The following PRR27 variants were observed in gnomAD, a reference collection of about 807,000 sequenced individuals.
PRR27 encodes the protein proline rich 27.
A neutral mutation model predicts 16.8 loss-of-function variants in PRR27; 12 were observed. The observed-to-expected ratio is 0.71, with a 90% CI of 0.46 to 1.16. The LOEUF is 1.16. Ranked by LOEUF, PRR27 falls within the 50% of genes most tolerant of loss-of-function variation. The pLI is 0.00. For missense variants in PRR27, 277 were observed against 273.3 expected (o/e 1.01, Z -0.10); for synonymous variants, 100 against 98.4 (o/e 1.02, Z -0.10).
At chr4:70,162,267 C>T (rs573394069) in intron 4 of PRR27, among the ~76,000 whole-genome samples, 1 of 152,078 alleles carries the variant, frequency 6.6e-6, no homozygotes, top group African/African-American at 2.4e-5. Flanking sequence ...TGACTGTCAG[C>T]CAAATCAAAG....
chr4:70,160,606 T>A (rs1310543531), intron 3 of PRR27, among the ~76,000 whole-genome samples: 2 of 152,048 alleles, frequency 1.3e-5, no homozygotes, highest in Non-Finnish European at 2.9e-5. Context: ...CTTGAAAAAT[T>A]GTTCCTTCTC....
intron 4 of PRR27, among the ~76,000 whole-genome samples, chr4:70,161,999 C>A (rs973890161): frequency 6.6e-6 from 1 of 152,114 alleles, no homozygotes; most frequent in African/African-American, 2.4e-5. Context: ...TGTATGCTAT[C>A]CCTTCAGCCA....
In PRR27 at chr4:70,160,029, A is replaced by T. The variant is rs189526323; in HGVS notation, c.648+1129A>T. Among the ~76,000 whole-genome samples the T allele has an allele frequency of 1.8e-3, 273 of 148,516 alleles. 1 individual carries two copies. The highest frequency in any genetic ancestry group is 6.1e-3 in the African/African-American group (240 of 39,084). ...TGAAATGTGAGCATATCCTCTTTTT[A>T]AAAAAAAAATTCATCTTTTATTTTA... On this transcript the variant is annotated intron_variant, in intron 3 of 4. Coordinates refer to ENST00000344526, the MANE Select transcript of PRR27 (RefSeq NM_214711.4).
At position 70,158,446 on chromosome 4, in the gene PRR27, A is replaced by G; in HGVS notation, c.194A>G (p.Asn65Ser). ...AATACAGTCCCCAGTTACCCTGGGA[A>G]TACTTACACTGACACAGGGTTACCT... ...PVNTVPSYPGNTYTDTGLPSY... is the reference protein window; with the variant it reads ...PVNTVPSYPGSTYTDTGLPSY... The change falls in exon 3 of 5, where the codon AAT becomes AGT. Residue 65 changes from asparagine (N) to serine (S), a missense_variant. Physicochemically the swap from Asn to Ser is conservative, Grantham distance 46 (BLOSUM62 1). Transcript: ENST00000344526. 1.9e-6 allele frequency: 3 copies of G among 1,613,864 alleles called. No homozygotes were observed. The highest frequency in any genetic ancestry group is 2.5e-6 in the Non-Finnish European group (3 of 1,179,828).
chr4:70,160,443 C>CTGTCTCTCTCTGTGTGTGTGTG (rs1728620026), intron 3 of PRR27, among the ~76,000 whole-genome samples: 1 of 68,678 alleles, frequency 1.5e-5, no homozygotes, highest in Non-Finnish European at 2.8e-5. Context: ...CTCTCTCTCT[C>CTGTCTCTCTCTGTGTGTGTGTG]TGTGTGTGTG....
chr4:70,162,321 C>T (rs751692352), intron 4 of PRR27, among the ~76,000 whole-genome samples: 1 of 152,130 alleles, frequency 6.6e-6, no homozygotes, highest in African/African-American at 2.4e-5. Flanking sequence ...AATTGAAAAG[C>T]AAATGTGATG....
At chr4:70,161,156 G>GTATATATATATATATATATATATA (rs371303125) in intron 3 of PRR27, among the ~76,000 whole-genome samples, 80 of 93,872 alleles carry the variant, frequency 8.5e-4, no homozygotes, top group African/African-American at 3.2e-3. Flanking sequence ...TATGAACACT[G>GTATATATATATATATATATATATA]TATATATATA....
intron 3 of PRR27, 95 bp downstream of exon 3, chr4:70,158,995 C>T: frequency 8.8e-7 from 1 of 1,136,786 alleles, no homozygotes; most frequent in South Asian, 1.6e-5. Context: ...TCTATATCAA[C>T]TTAAATATTT....
chr4:70,158,777 A>G lies in PRR27; in HGVS notation c.525A>G (p.Ala175=). 5.0e-6 allele frequency: 8 copies of G among 1,612,550 alleles called. No individual in the cohort carries two copies. The highest frequency in any genetic ancestry group is 6.8e-6 in the Non-Finnish European group (8 of 1,178,910). The change falls in exon 3 of 5, where the codon GCA becomes GCG. Residue 175 remains alanine, a synonymous_variant. Coordinates refer to ENST00000344526, the MANE Select transcript of PRR27 (RefSeq NM_214711.4). ...AGCCTGCTGCAGAGGCACCTGTTGC[A>G]GCTGAGCCTGCTGCAGAGGCACCTG... is the stretch of plus-strand genomic sequence containing the variant. ...GAEPAAEAPV[A]AEPAAEAPVG... is the part of the protein sequence containing the mutation.
At chr4:70,155,595 C>A (rs1003159946) in intron 1 of PRR27, among the ~76,000 whole-genome samples, 3 of 152,070 alleles carry the variant, frequency 2.0e-5, no homozygotes, top group Admixed American at 2.0e-4. Context: ...GTTTCGATCT[C>A]CTGACCTCGT....
Position 70,161,630 on chromosome 4 carries a change from T to G in PRR27, c.*33T>G. ...TAGAAGAGTACCATGGGTTCATTTC[T>G]GTAAGTCATATGTGATAATATAATT... On this transcript the variant is annotated splice_region_variant and 3_prime_UTR_variant, in exon 4 of 5. Transcript: ENST00000344526. 1 of 1,418,584 alleles carries G rather than the reference T, an allele frequency of 7.0e-7. No individual in the cohort carries two copies. The highest frequency in any genetic ancestry group is 9.8e-7 in the Non-Finnish European group (1 of 1,022,092). The allele number at this position is 1,418,584 out of a possible 1,614,324, so 87.9% of individuals were successfully genotyped here.
At chr4:70,156,618 A>G (rs988612434) in intron 2 of PRR27, among the ~76,000 whole-genome samples, 7 of 152,174 alleles carry the variant, frequency 4.6e-5, no homozygotes, top group African/African-American at 1.7e-4. Flanking sequence ...TGATTAACTG[A>G]TGTTAGATGT....
Position 70,158,586 on chromosome 4 carries a change from G to A in PRR27, c.334G>A (p.Val112Ile). The A allele has an allele frequency of 6.2e-7, 1 of 1,614,072 alleles. No homozygotes were observed. The highest frequency in any genetic ancestry group is 1.1e-5 in the South Asian group (1 of 91,084). Residue 112 changes from valine to isoleucine, a missense_variant, in exon 3 of 5, where the codon GTC (valine) becomes ATC (isoleucine). By Grantham distance (29) the Val-to-Ile change is conservative. Coordinates refer to ENST00000344526, the MANE Select transcript of PRR27 (RefSeq NM_214711.4). ...TCTCCCTCCTAGGGGTTTCCCGTTT[G>A]TCCCTCCTTCAAGGTTTTTTTCAGC... The part of the protein sequence containing the change: ...PPLPPRGFPF[V>I]PPSRFFSAAA...
Position 70,166,377 on chromosome 4 carries a change from T to C in PRR27, c.*3716T>C, listed in dbSNP as rs1274674940. 13 of 152,082 alleles carry C rather than the reference T, an allele frequency of 8.5e-5. No homozygotes were observed. The highest frequency in any genetic ancestry group is 6.6e-4 in the Admixed American group (10 of 15,260). 9.4% of individuals were successfully genotyped at this position (152,082 alleles called of 1,614,324 possible). The stretch of plus-strand genomic sequence containing the variant: ...ATGTGTGTATGTATATATGTGTGCA[T>C]GTGCATGCATAGTAAAAATCTTAAC... On this transcript the variant is annotated 3_prime_UTR_variant, in exon 5 of 5. Coordinates refer to ENST00000344526, the MANE Select transcript of PRR27 (RefSeq NM_214711.4).
rs907817515 is a variant in PRR27, at chr4:70,163,435, T to C, written c.*774T>C. On this transcript the variant is annotated 3_prime_UTR_variant, in exon 5 of 5. Coordinates refer to ENST00000344526, the MANE Select transcript of PRR27 (RefSeq NM_214711.4). ...TTCAAGTGATTCTCCTGCCTCAGCCTCCTGAGTAGCCGGGATTACAGGTGT... is the reference window on the plus strand; with the variant it reads ...TTCAAGTGATTCTCCTGCCTCAGCCCCCTGAGTAGCCGGGATTACAGGTGT... 2.7e-5 allele frequency: 4 copies of C among 150,848 alleles called. No individual in the cohort carries two copies. The highest frequency in any genetic ancestry group is 9.8e-5 in the African/African-American group (4 of 40,918). The allele number at this position is 150,848 out of a possible 1,614,324, so 9.3% of individuals were successfully genotyped here. A position where few individuals can be genotyped will look rare whatever the true frequency, so the allele number is the denominator to read the frequency against.
chr4:70,158,821 C>T lies in PRR27; in HGVS notation c.569C>T (p.Ala190Val), dbSNP rs1578220456. 6.2e-6 allele frequency: 10 copies of T among 1,614,010 alleles called. No homozygotes were observed. The highest frequency in any genetic ancestry group is 7.6e-6 in the Non-Finnish European group (9 of 1,179,980). The change falls in exon 3 of 5, where the codon GCA becomes GTA. Residue 190 changes from alanine (A) to valine (V), a missense_variant. Coordinates refer to ENST00000344526, the MANE Select transcript of PRR27 (RefSeq NM_214711.4). Reference sequence around the variant, plus strand: ...GCACCTGTTGGAGTGGAGCCAGCTGCAGAGGAACCTTCACCAGCTGAGCCT... The same window carrying T: ...GCACCTGTTGGAGTGGAGCCAGCTGTAGAGGAACCTTCACCAGCTGAGCCT... ...AEAPVGVEPA[A>V]EEPSPAEPAT...
Position 70,160,476 on chromosome 4 carries a change from T to C in PRR27, c.649-1110T>C, listed in dbSNP as rs142607944. Among the ~76,000 whole-genome samples the C allele has an allele frequency of 6.7e-3, 1,015 of 150,664 alleles. 12 individuals are homozygous for C. The highest frequency in any genetic ancestry group is 0.023 in the African/African-American group (960 of 40,866). On this transcript the variant is annotated intron_variant, in intron 3 of 4. Transcript: ENST00000344526. Reference sequence around the variant, plus strand: ...GTGTGTGTGTGTGTGTGTGTGTGTTTTCCCTTGCACCAAGCCATGGAAACT... The same window carrying C: ...GTGTGTGTGTGTGTGTGTGTGTGTTCTCCCTTGCACCAAGCCATGGAAACT...
intron 3 of PRR27, 57 bp downstream of exon 3, chr4:70,158,957 GAAAA>G (rs372043073): frequency 3.6e-6 from 3 of 836,268 alleles, no homozygotes; most frequent in Non-Finnish European, 3.5e-6. Flanking sequence ...TGTAGAAGGG[GAAAA>G]AAAAAAACCA....
rs527588905 is a variant in PRR27 at position 70,161,179 on chromosome 4, T to TATATATATATATATAC, written c.649-406_649-405insTATATATATATATACA. Among the ~76,000 whole-genome samples, 242 of 107,662 alleles carry TATATATATATATATAC rather than the reference T, an allele frequency of 2.2e-3. 5 individuals carry two copies. The highest frequency in any genetic ancestry group is 0.016 in the South Asian group (55 of 3,414). 70.6% of individuals were successfully genotyped at this position (107,662 alleles called of 152,430 possible). On this transcript the variant is annotated intron_variant, in intron 3 of 4. Coordinates refer to ENST00000344526, the MANE Select transcript of PRR27 (RefSeq NM_214711.4). ...CTGTATATATATATATATATATATA[T>TATATATATATATATAC]ACACACATACATATATATACACGTA...
Sources: allele counts gnomAD v4.1 joint callset (sites outside exome capture counted in the v4.1 genomes callset), GRCh38; gene constraint gnomAD v4.1.1; transcripts MANE v1.5; gene names NCBI Gene and HGNC (gene_info 2026-07-23, HGNC 2026-07-21).